Variants in ZNF496 observed in about 807,000 individuals in gnomAD.
ZNF496 encodes the protein NSD1 (nuclear receptor binding SET-domain containing 1)-interacting zinc finger protein 1.
In ZNF496, 11 loss-of-function variants were observed where a neutral mutation model predicts 58.9. The observed-to-expected ratio is 0.19, with a 90% CI of 0.12 to 0.31. The LOEUF is 0.31. ZNF496 is among the 10% of genes least tolerant of loss of function. The probability of loss-of-function intolerance (pLI) is 1.00; values close to 1 mark genes in which losing one functional copy is unlikely to be tolerated. For synonymous variants in ZNF496, 338 were observed against 318.2 expected, an observed-to-expected ratio of 1.06 and a Z score of -0.66; for missense variants, 660 against 783.0, an observed-to-expected ratio of 0.84 and a Z score of 1.88.
At chr1:247,312,744 A>AAAAAAG (rs1260786148) in intron 6 of ZNF496, 3 of 152,158 alleles carry the variant, frequency 2.0e-5, no homozygotes, top group African/African-American at 7.2e-5. Flanking sequence ...AAAAAAAAAA[A>AAAAAAG]AAAAAGAAAA....
intron 2 of ZNF496, 137 bp downstream of exon 2, chr1:247,331,295 C>T (rs1469691248): frequency 6.6e-6 from 1 of 152,504 alleles, no homozygotes; most frequent in East Asian, 1.9e-4. Flanking sequence ...CAGCCTTTCG[C>T]GGAGGAGGGA....
chr1:247,329,123 CA>C lies in ZNF496; in HGVS notation c.390+65del. 2 of 1,606,176 alleles carry C rather than the reference CA, an allele frequency of 1.2e-6. No homozygotes were observed. The highest frequency in any genetic ancestry group is 1.7e-6 in the Non-Finnish European group (2 of 1,174,688). On this transcript the variant is annotated intron_variant, in intron 4 of 9. Transcript: ENST00000682384. This position sits in a 1 kb window ranked among gnomAD's most constrained non-coding sequence, Gnocchi z 5.5. ...CTCCTCATTCCCCAGCCAGCACATG[CA>C]TGGCCCAGCCAAAGTGTCTAAGTAC...
chr1:247,323,075 C>T (rs1660011425), intron 6 of ZNF496, 79 bp downstream of exon 6: 1 of 1,217,284 alleles, frequency 8.2e-7, no homozygotes, highest in South Asian at 1.3e-5. Flanking sequence ...AGAAAGCTGG[C>T]TGGGGTCCTA....
At chr1:247,330,818 C>G (rs570120339) in intron 2 of ZNF496, among the ~76,000 whole-genome samples, 2 of 152,374 alleles carry the variant, frequency 1.3e-5, no homozygotes, top group South Asian at 2.1e-4. Flanking sequence ...TCGGGCCTCA[C>G]TCCCATTTCA....
intron 6 of ZNF496, among the ~76,000 whole-genome samples, chr1:247,322,423 C>G (rs1382500766): frequency 1.3e-5 from 2 of 152,160 alleles, no homozygotes; most frequent in African/African-American, 2.4e-5. Flanking sequence ...AGCAACTAAA[C>G]AAAAGCAGGA....
In ZNF496 at chr1:247,300,124, AGACAG is replaced by A. The variant is rs532100085; in HGVS notation, c.*390_*394del. ...GCTTCAGGAGCAGATCCTAGCGTTC[AGACAG>A]GGAAGGAGGGGAGGGAGTATACTGA... On this transcript the variant is annotated 3_prime_UTR_variant, in exon 10 of 10. Transcript: ENST00000682384. The surrounding 1 kb of genome is among the most constrained non-coding windows in gnomAD (Gnocchi z 5.7). 7.3e-5 allele frequency: 12 copies of A among 163,824 alleles called. No individual in the cohort carries two copies. In the South Asian group the frequency reaches 2.3e-3, roughly 32 times the overall value. The allele number at this position is 163,824 out of a possible 1,614,324, so 10.1% of individuals were successfully genotyped here.
In ZNF496 at chr1:247,322,933, G is replaced by T. The variant is rs778262641; in HGVS notation, c.651+221C>A. On this transcript the variant is annotated intron_variant, in intron 6 of 9. Coordinates refer to ENST00000682384, the MANE Select transcript of ZNF496 (RefSeq NM_032752.3). ...ATCGTCTGCACAAAGCTTCCTGAAGGTGGCCTGATGACAGTAGACCCAGTG... is the reference window on the plus strand; with the variant it reads ...ATCGTCTGCACAAAGCTTCCTGAAGTTGGCCTGATGACAGTAGACCCAGTG... The T allele has an allele frequency of 2.1e-4, 162 of 759,420 alleles. 1 individual carries two copies. Among genetic ancestry groups the T allele is most frequent in the Non-Finnish European group, 3.2e-4 (156 of 491,174 alleles). 47.0% of individuals were successfully genotyped at this position (759,420 alleles called of 1,614,324 possible).
chr1:247,300,401 G>A lies in ZNF496; in HGVS notation c.*118C>T. 8.8e-7 allele frequency: 1 copy of A among 1,141,214 alleles called. No homozygotes were observed. The highest frequency in any genetic ancestry group is 1.2e-6 in the Non-Finnish European group (1 of 831,622). 70.7% of individuals were successfully genotyped at this position (1,141,214 alleles called of 1,614,324 possible). On this transcript the variant is annotated 3_prime_UTR_variant, in exon 10 of 10. Coordinates refer to ENST00000682384, the MANE Select transcript of ZNF496 (RefSeq NM_032752.3). The surrounding 1 kb of genome is among the most constrained non-coding windows in gnomAD (Gnocchi z 5.7). ...CGAACGCTCACTACCTGAGAGCAAG[G>A]ACAGGAGGGAGGTGTGCTCTCTATC...
rs1659165362 is a variant in ZNF496 at position 247,299,360 on chromosome 1, C to T, written c.*1159G>A. On this transcript the variant is annotated 3_prime_UTR_variant, in exon 10 of 10. Coordinates refer to ENST00000682384, the MANE Select transcript of ZNF496 (RefSeq NM_032752.3). Reference sequence around the variant, plus strand: ...AGGCAGAGACTGGGTGACGCTTCCACACACCAAGGAATGGCAACTGCCAGC... The same window carrying T: ...AGGCAGAGACTGGGTGACGCTTCCATACACCAAGGAATGGCAACTGCCAGC... 1 of 152,262 alleles carries T rather than the reference C, an allele frequency of 6.6e-6. No individual in the cohort carries two copies. Among genetic ancestry groups the T allele is most frequent in the African/African-American group, 2.4e-5 (1 of 41,462 alleles). The allele number at this position is 152,262 out of a possible 1,614,324, so 9.4% of individuals were successfully genotyped here. A position where few individuals can be genotyped will look rare whatever the true frequency, so the allele number is the denominator to read the frequency against.
In ZNF496 at chr1:247,329,144, A is replaced by G. The variant is rs769225262; in HGVS notation, c.390+45T>C. On this transcript the variant is annotated intron_variant, in intron 4 of 9. Coordinates refer to ENST00000682384, the MANE Select transcript of ZNF496 (RefSeq NM_032752.3). The surrounding 1 kb of genome is among the most constrained non-coding windows in gnomAD (Gnocchi z 5.5). Reference sequence around the variant, plus strand: ...CATGCATGGCCCAGCCAAAGTGTCTAAGTACCAGATCTCTACCCGTCCCAG... The same window carrying G: ...CATGCATGGCCCAGCCAAAGTGTCTGAGTACCAGATCTCTACCCGTCCCAG... 3 of 1,612,362 alleles carry G rather than the reference A, an allele frequency of 1.9e-6. No homozygotes were observed. Among genetic ancestry groups the G allele is most frequent in the Admixed American group, 3.3e-5 (2 of 59,908 alleles).
chr1:247,318,694 AT>A (rs1659862920), intron 6 of ZNF496, among the ~76,000 whole-genome samples: 1 of 152,258 alleles, frequency 6.6e-6, no homozygotes, highest in African/African-American at 2.4e-5. Flanking sequence ...AGGAAAAAAT[AT>A]GTAAGTCTAT....
chr1:247,326,943 C>T (rs1293480314), intron 5 of ZNF496, among the ~76,000 whole-genome samples: 3 of 152,134 alleles, frequency 2.0e-5, no homozygotes, highest in South Asian at 4.1e-4. Flanking sequence ...TGAAAGAAAA[C>T]CGCCCGTCAT....
chr1:247,315,342 C>T (rs1270021184), intron 6 of ZNF496, among the ~76,000 whole-genome samples: 2 of 152,026 alleles, frequency 1.3e-5, no homozygotes, highest in Non-Finnish European at 2.9e-5. Context: ...GAGTCTAACC[C>T]CACCTGAGGG....
Position 247,308,987 on chromosome 1 carries a change from T to C in ZNF496, c.893-399A>G, listed in dbSNP as rs577916430. On this transcript the variant is annotated intron_variant, in intron 8 of 9. Transcript: ENST00000682384. This position sits in a 1 kb window ranked among gnomAD's most constrained non-coding sequence, Gnocchi z 4.5. ...TGCAGAGCCTACAGGGTAGAGATGG[T>C]ACAGGAGCTACTGCACCACACCAAG... 101 of 218,836 alleles carry C rather than the reference T, an allele frequency of 4.6e-4. No individual in the cohort carries two copies. Among genetic ancestry groups the C allele is most frequent in the Non-Finnish European group, 1.8e-4 (20 of 108,718 alleles). The allele number at this position is 218,836 out of a possible 1,614,324, so 13.6% of individuals were successfully genotyped here. A position where few individuals can be genotyped will look rare whatever the true frequency, so the allele number is the denominator to read the frequency against.
chr1:247,315,590 C>T (rs1659742480), intron 6 of ZNF496, among the ~76,000 whole-genome samples: 1 of 151,814 alleles, frequency 6.6e-6, no homozygotes, highest in African/African-American at 2.4e-5. Flanking sequence ...GGGGCACAAA[C>T]GTCTGCATCT....
chr1:247,329,589 G>C lies in ZNF496; in HGVS notation c.-11C>G. On this transcript the variant is annotated 5_prime_UTR_variant, in exon 4 of 10. The change creates a new upstream start codon in the 5' untranslated region. Transcript: ENST00000682384. This position sits in a 1 kb window ranked among gnomAD's most constrained non-coding sequence, Gnocchi z 5.5. ...CAGGGCTGTGGGCATGATGGGATTTGATGGGGGTCAGCAGCAGAAGACGAC... is the reference window on the plus strand; with the variant it reads ...CAGGGCTGTGGGCATGATGGGATTTCATGGGGGTCAGCAGCAGAAGACGAC... The C allele has an allele frequency of 6.5e-7, 1 of 1,537,038 alleles. No homozygotes were observed. The highest frequency in any genetic ancestry group is 1.3e-5 in the South Asian group (1 of 78,836).
chr1:247,303,586 A>C (rs1659315241), intron 9 of ZNF496, among the ~76,000 whole-genome samples: 1 of 152,252 alleles, frequency 6.6e-6, no homozygotes, highest in African/African-American at 2.4e-5. Flanking sequence ...TAAAGTGGCA[A>C]AGAATTTGGC....
At chr1:247,312,183 G>A (rs1327164686) in intron 6 of ZNF496, 2 of 152,072 alleles carry the variant, frequency 1.3e-5, no homozygotes, top group African/African-American at 4.8e-5. Context: ...CATTTCACAA[G>A]CTGCACCTTC....
chr1:247,300,370 A>T lies in ZNF496; in HGVS notation c.*149T>A, dbSNP rs527861590. On this transcript the variant is annotated 3_prime_UTR_variant, in exon 10 of 10. Transcript: ENST00000682384. This position sits in a 1 kb window ranked among gnomAD's most constrained non-coding sequence, Gnocchi z 5.7. ...GGGGGAGGGAGAGTGCTCCCATGGCACCACCCGAACGCTCACTACCTGAGA... is the reference window on the plus strand; with the variant it reads ...GGGGGAGGGAGAGTGCTCCCATGGCTCCACCCGAACGCTCACTACCTGAGA... 93 of 777,918 alleles carry T rather than the reference A, an allele frequency of 1.2e-4. 2 individuals carry two copies. In the South Asian group the frequency reaches 2.6e-3, roughly 22 times the overall value. 48.2% of individuals were successfully genotyped at this position (777,918 alleles called of 1,614,324 possible). A position where few individuals can be genotyped will look rare whatever the true frequency, so the allele number is the denominator to read the frequency against.
Sources: gnomAD v4.1 joint callset for allele counts (sites outside exome capture counted in the v4.1 genomes callset) on GRCh38, gnomAD v4.1.1 for gene constraint, Gnocchi (gnomAD v3.1) non-coding constraint, MANE v1.5 for transcripts, NCBI Gene and HGNC (gene_info 2026-07-23, HGNC 2026-07-21) for gene names.